UNC13C: variants seen among roughly 807,000 people sequenced by gnomAD.
UNC13C encodes the protein protein unc-13 homolog C.
In UNC13C, 174 loss-of-function variants were observed where a neutral mutation model predicts 245.4. The ratio of observed to expected loss-of-function variants is 0.71; its 90% CI spans 0.63 to 0.80. UNC13C has a LOEUF of 0.80. Among genes scored for constraint, UNC13C ranks in the 30% least tolerant of loss-of-function variants. UNC13C has a pLI of 0.00. For missense variants in UNC13C, 2,829 were observed against 2,602.9 expected, an observed-to-expected ratio of 1.09 and a Z score of -1.89; for synonymous variants, 992 against 895.1, an observed-to-expected ratio of 1.11 and a Z score of -1.93.
intron 19 of UNC13C, among the ~76,000 whole-genome samples, chr15:54,446,733 A>C (rs185846107): frequency 3.9e-5 from 6 of 152,146 alleles, no homozygotes; most frequent in South Asian, 2.1e-4. Flanking sequence ...ATGTCATCTG[A>C]AAACAGGGAC....
At chr15:54,524,897 T>G (rs1179215014) in intron 24 of UNC13C, among the ~76,000 whole-genome samples, 1 of 152,160 alleles carries the variant, frequency 6.6e-6, no homozygotes, top group African/African-American at 2.4e-5. Context: ...TATTTCAGAT[T>G]GCTATTTACG....
At chr15:53,855,387 A>G in the UNC13C span, among the ~76,000 whole-genome samples, 3 of 152,232 alleles carry the variant, frequency 2.0e-5, no homozygotes, top group Admixed American at 6.5e-5. Flanking sequence ...TTTAAGGGGA[A>G]TGCTTCCAGT....
At chr15:54,436,984 A>AC in intron 19 of UNC13C, among the ~76,000 whole-genome samples, 1 of 151,922 alleles carries the variant, frequency 6.6e-6, no homozygotes. Flanking sequence ...TTCAATATTA[A>AC]CACTGACCCT....
intron 8 of UNC13C, among the ~76,000 whole-genome samples, chr15:54,258,837 G>A (rs1454415147): frequency 6.6e-6 from 1 of 152,204 alleles, no homozygotes; most frequent in Non-Finnish European, 1.5e-5. Flanking sequence ...AGAAGCTAAA[G>A]TTGAGAGAGA....
chr15:54,613,938 A>AGAAGTGCTT (rs1016784196), intron 30 of UNC13C, among the ~76,000 whole-genome samples: 5 of 151,988 alleles, frequency 3.3e-5, no homozygotes, highest in Non-Finnish European at 7.4e-5. Flanking sequence ...TTGCAACATC[A>AGAAGTGCTT]GAAGTGCTTG....
rs1378152387 is a variant in UNC13C, at chr15:54,627,557, G to GCAGTCACTTCTA, written c.*445_*456dup. The stretch of plus-strand genomic sequence containing the variant: ...ACCCTTTTCTACCATAACTAGAAAT[G>GCAGTCACTTCTA]CAGTCACTTCTAGAAAGCATTTGTA... On this transcript the variant is annotated 3_prime_UTR_variant, in exon 33 of 33. Coordinates refer to ENST00000260323, the MANE Select transcript of UNC13C (RefSeq NM_001080534.3). 6.5e-6 allele frequency: 1 copy of GCAGTCACTTCTA among 153,642 alleles called. No individual in the cohort carries two copies. The highest frequency in any genetic ancestry group is 1.5e-5 in the Non-Finnish European group (1 of 68,728). The allele number at this position is 153,642 out of a possible 1,614,324, so 9.5% of individuals were successfully genotyped here.
intron 30 of UNC13C, among the ~76,000 whole-genome samples, chr15:54,609,783 A>G (rs1899975451): frequency 6.6e-6 from 1 of 152,210 alleles, no homozygotes; most frequent in South Asian, 2.1e-4. Context: ...GGTAATTTCT[A>G]AAGAAAAAAG....
At chr15:54,201,737 C>T (rs906813275) in intron 4 of UNC13C, among the ~76,000 whole-genome samples, 2 of 151,962 alleles carry the variant, frequency 1.3e-5, no homozygotes, top group Non-Finnish European at 2.9e-5. Context: ...GAAAGCATTT[C>T]CCCTGAGAAC....
intron 4 of UNC13C, among the ~76,000 whole-genome samples, chr15:54,193,184 T>C (rs1196085368): frequency 6.6e-6 from 1 of 152,152 alleles, no homozygotes; most frequent in East Asian, 1.9e-4. Context: ...AGAAACAAGG[T>C]GAAAGATTTG....
intron 1 of UNC13C, among the ~76,000 whole-genome samples, chr15:53,996,703 A>G (rs1404395746): frequency 6.6e-6 from 1 of 152,276 alleles, no homozygotes; most frequent in East Asian, 1.9e-4. Flanking sequence ...CTTAATATAC[A>G]TAAAATCATA....
intron 4 of UNC13C, among the ~76,000 whole-genome samples, chr15:54,185,273 A>C (rs2033939009): frequency 6.6e-6 from 1 of 151,962 alleles, no homozygotes; most frequent in East Asian, 1.9e-4. Context: ...TCTTTAGTTT[A>C]ATTAGATCCC....
chr15:54,600,199 T>C (rs1899334737), intron 30 of UNC13C, among the ~76,000 whole-genome samples: 1 of 152,056 alleles, frequency 6.6e-6, no homozygotes, highest in African/African-American at 2.4e-5. Context: ...GTAGCACATA[T>C]TTGTGTCAGA....
chr15:54,388,295 A>G (rs2039879767), intron 17 of UNC13C, among the ~76,000 whole-genome samples: 1 of 151,704 alleles, frequency 6.6e-6, no homozygotes, highest in South Asian at 2.1e-4. Flanking sequence ...TTTTTATTGT[A>G]TGCTCCGGAA....
chr15:54,048,443 C>A (rs1245870639), intron 2 of UNC13C: 2 of 602,996 alleles, frequency 3.3e-6, no homozygotes, highest in East Asian at 3.9e-5. Context: ...TAATATTGAT[C>A]TGGATTGCTT....
chr15:54,089,130 G>C (rs1320828689), intron 2 of UNC13C, among the ~76,000 whole-genome samples: 2 of 152,104 alleles, frequency 1.3e-5, no homozygotes, highest in African/African-American at 4.8e-5. Context: ...TGCTTTGATA[G>C]TCCAAATTCT....
chr15:53,838,121 T>C, the UNC13C span, among the ~76,000 whole-genome samples: 1 of 152,242 alleles, frequency 6.6e-6, no homozygotes, highest in South Asian at 2.1e-4. Flanking sequence ...CATGAAAATA[T>C]CTTGTTGGGA....
intron 30 of UNC13C, among the ~76,000 whole-genome samples, chr15:54,606,849 A>G (rs767890032): frequency 2.0e-4 from 30 of 152,220 alleles, no homozygotes; most frequent in South Asian, 1.0e-3. Context: ...CATAGGAATT[A>G]CATGGATGAA....
intron 13 of UNC13C, among the ~76,000 whole-genome samples, chr15:54,310,356 C>T (rs1337879183): frequency 6.6e-6 from 1 of 151,840 alleles, no homozygotes; most frequent in African/African-American, 2.4e-5. Flanking sequence ...CAAATTGAAC[C>T]TCCTATAGAA....
intron 16 of UNC13C, 97 bp from the exon 17 acceptor site, chr15:54,338,264 G>T: frequency 7.5e-7 from 1 of 1,336,474 alleles, no homozygotes; most frequent in South Asian, 2.0e-5. Flanking sequence ...TAGAAAAATC[G>T]ACTGAAAGTA....
Sources: allele counts gnomAD v4.1 joint callset (sites outside exome capture counted in the v4.1 genomes callset), GRCh38; gene constraint gnomAD v4.1.1; transcripts MANE v1.5; gene names NCBI Gene and HGNC (gene_info 2026-07-23, HGNC 2026-07-21).